Variants in SELENOM observed in about 807,000 individuals in gnomAD.
SELENOM encodes the protein selenoprotein M.
SELENOM carries 17 observed loss-of-function variants against 14.5 expected under a neutral mutation model. The observed-to-expected ratio is 1.17, with a 90% confidence interval of 0.80 to 1.76. The LOEUF (loss-of-function observed/expected upper bound fraction) is 1.76, where lower values mean the gene tolerates loss of function less well. Among genes scored for constraint, SELENOM ranks in the 40% most tolerant of loss-of-function variants. SELENOM has a pLI of 0.00. For missense variants in SELENOM, 230 were observed against 204.6 expected, an observed-to-expected ratio of 1.12 and a Z score of -0.76; for synonymous variants, 102 against 93.3, an observed-to-expected ratio of 1.09 and a Z score of -0.54.
At position 31,105,668 on chromosome 22, in the gene SELENOM, T is replaced by A. The variant is rs1332179198; in HGVS notation, c.190A>T (p.Ile64Phe). 1.9e-6 allele frequency: 3 copies of A among 1,613,990 alleles called. No homozygotes were observed. The African/African-American group carries it at 4.0e-5, about 22-fold the overall frequency. ...AGAACAGAAGGATACTAGAATGGAA[T>A]GTCCTGCGTGACGAAAGCCTTCACC... ...KEVKAFVTQDIPFYHNLVMKH... is the reference protein window; with the variant it reads ...KEVKAFVTQDFPFYHNLVMKH... The change falls in exon 3 of 5, where the codon ATT (isoleucine) becomes TTT (phenylalanine). Residue 64 changes from isoleucine to phenylalanine, a missense_variant. Ile to Phe is a conservative substitution (Grantham distance 21). Coordinates refer to ENST00000400299, the MANE Select transcript of SELENOM (RefSeq NM_080430.4).
intron 1 of SELENOM, 89 bp downstream of exon 1, chr22:31,107,288 G>A: frequency 6.9e-7 from 1 of 1,442,230 alleles, no homozygotes; most frequent in Non-Finnish European, 9.2e-7. Flanking sequence ...CGCGGTTCGA[G>A]GTGGTCTTGG....
In SELENOM at chr22:31,105,068, A is replaced by G; in HGVS notation, c.340T>C (p.Phe114Leu). ...EINALVQELGFYRKAAPDAQV... is the reference protein window; with the variant it reads ...EINALVQELGLYRKAAPDAQV... Reference sequence around the variant, plus strand: ...GCGTCGGGCGCCGCCTTGCGGTAGAAGCCGAGCTCCTGCACTAGCGCATTG... The same window carrying G: ...GCGTCGGGCGCCGCCTTGCGGTAGAGGCCGAGCTCCTGCACTAGCGCATTG... Residue 114 changes from phenylalanine (F) to leucine (L), a missense_variant, in exon 5 of 5, where the codon TTC becomes CTC. Physicochemically the swap from Phe to Leu is conservative, Grantham distance 22. Transcript: ENST00000400299. 1 of 1,612,676 alleles carries G rather than the reference A, an allele frequency of 6.2e-7. No homozygotes were observed. Among genetic ancestry groups the G allele is most frequent in the East Asian group, 2.2e-5 (1 of 44,874 alleles).
Position 31,104,808 on chromosome 22 carries a change from G to A in SELENOM, c.*162C>T. ...CAGGAGGGAATTTAGTGGAGCTGGG[G>A]AAGGAAGAAAGTGGGGTTGGGAGAA... On this transcript the variant is annotated 3_prime_UTR_variant, in exon 5 of 5. Coordinates refer to ENST00000400299, the MANE Select transcript of SELENOM (RefSeq NM_080430.4). The A allele has an allele frequency of 1.3e-6, 1 of 741,164 alleles. No individual in the cohort carries two copies. Among genetic ancestry groups the A allele is most frequent in the South Asian group, 2.1e-5 (1 of 47,946 alleles). 45.9% of individuals were successfully genotyped at this position (741,164 alleles called of 1,614,324 possible). A position where few individuals can be genotyped will look rare whatever the true frequency, so the allele number is the denominator to read the frequency against.
chr22:31,107,563 ACGTCTGGG>A, exon 1 of SELENOM: 1 of 1,392,754 alleles, frequency 7.2e-7, no homozygotes, highest in Non-Finnish European at 9.5e-7. Context: ...TCGCTGCGCC[ACGTCTGGG>A]CCCCCAGGCT....
At chr22:31,106,161 G>A in intron 1 of SELENOM, 196 bp from the exon 2 acceptor site, 1 of 615,826 alleles carries the variant, frequency 1.6e-6, no homozygotes, top group African/African-American at 1.8e-5. Context: ...GGGAGACTCA[G>A]GCCTAGAGAC....
intron 1 of SELENOM, chr22:31,106,176 G>T (rs932947455): frequency 3.3e-6 from 2 of 603,532 alleles, no homozygotes; most frequent in Non-Finnish European, 5.9e-6. Context: ...AGAGACACCA[G>T]GGGAAAAGAG....
rs1326884197 is a variant in SELENOM, at chr22:31,107,514, G to C, written c.-9C>G. On this transcript the variant is annotated 5_prime_UTR_variant, in exon 1 of 5. Coordinates refer to ENST00000400299, the MANE Select transcript of SELENOM (RefSeq NM_080430.4). The stretch of plus-strand genomic sequence containing the variant: ...GGCAACAGGAGGCTCATCGGGACCC[G>C]GCCGCAGATGATGCGCAAGCTGGAG... The C allele has an allele frequency of 6.5e-7, 1 of 1,534,898 alleles. No homozygotes were observed. The highest frequency in any genetic ancestry group is 8.8e-7 in the Non-Finnish European group (1 of 1,142,022).
At chr22:31,105,866 A>ATGT in intron 2 of SELENOM, 64 bp downstream of exon 2, 1 of 1,546,382 alleles carries the variant, frequency 6.5e-7, no homozygotes, top group Non-Finnish European at 8.9e-7. Flanking sequence ...CATTGGGACC[A>ATGT]TGTTGCCCAC....
chr22:31,107,326 G>A (rs771849006), intron 1 of SELENOM, 51 bp downstream of exon 1: 23 of 1,555,400 alleles, frequency 1.5e-5, no homozygotes, highest in South Asian at 5.9e-5. Flanking sequence ...CTCCCATGGG[G>A]CCGCAGGGTT....
chr22:31,107,399 C>T lies in SELENOM; in HGVS notation c.107G>A (p.Gly36Asp). The change falls in exon 1 of 5, where the codon GGC becomes GAC. Residue 36 changes from glycine (G) to aspartate (D), a missense_variant. Coordinates refer to ENST00000400299, the MANE Select transcript of SELENOM (RefSeq NM_080430.4). ...AYRPDWNRLS[G>D]LTRARVETCG... The stretch of plus-strand genomic sequence containing the variant: ...CACCTCTACCCGGGCGCGGGTTAGG[C>T]CGCTCAGACGGTTCCAGTCCGGCCG... The T allele has an allele frequency of 5.6e-6, 9 of 1,593,336 alleles. No individual in the cohort carries two copies. The highest frequency in any genetic ancestry group is 7.7e-6 in the Non-Finnish European group (9 of 1,172,038).
intron 3 of SELENOM, 95 bp downstream of exon 3, chr22:31,105,563 G>A (rs1427899381): frequency 1.6e-6 from 2 of 1,265,834 alleles, no homozygotes; most frequent in Non-Finnish European, 2.3e-6. Context: ...AATTCAACTT[G>A]TCAGTTGAAA....
intron 1 of SELENOM, chr22:31,106,666 A>G (rs188881466): frequency 3.7e-5 from 6 of 162,508 alleles, no homozygotes; most frequent in East Asian, 1.8e-4. Context: ...GGCTCAAGCA[A>G]TCCTCCTGCC....
In SELENOM at chr22:31,105,267, G is replaced by C. The variant is rs544789268; in HGVS notation, c.220C>G (p.His74Asp). Reference protein sequence around the residue: ...IPFYHNLVMKHLPGADPELVL... With the variant: ...IPFYHNLVMKDLPGADPELVL... Reference sequence around the variant, plus strand: ...AGCTCAGGGTCGGCCCCAGGGAGGTGTTTCATCACCAGGTTGTGACTGGAG... The same window carrying C: ...AGCTCAGGGTCGGCCCCAGGGAGGTCTTTCATCACCAGGTTGTGACTGGAG... Residue 74 changes from histidine to aspartate, a missense_variant, in exon 4 of 5, where the codon CAC becomes GAC. His to Asp is a moderately conservative substitution (Grantham distance 81). Transcript: ENST00000400299. 46 of 1,612,314 alleles carry C rather than the reference G, an allele frequency of 2.9e-5. No homozygotes were observed. In the South Asian group the frequency reaches 4.7e-4, roughly 17 times the overall value.
At chr22:31,105,367 C>T (rs2044391241) in intron 3 of SELENOM, 81 bp from the exon 4 acceptor site, 18 of 1,364,388 alleles carry the variant, frequency 1.3e-5, no homozygotes, top group South Asian at 1.3e-4. Context: ...AACAGCATTG[C>T]CTCCTTTGCT....
rs2044374457 is a variant in SELENOM, at chr22:31,104,949, A to C, written c.*21T>G. ...TCCAGGACTCAGGCAGGTAGGTCCC[A>C]GCTCCGCCGCGCCCCCGGACCTACA... is the stretch of plus-strand genomic sequence containing the variant. On this transcript the variant is annotated 3_prime_UTR_variant, in exon 5 of 5. Coordinates refer to ENST00000400299, the MANE Select transcript of SELENOM (RefSeq NM_080430.4). 1.3e-6 allele frequency: 2 copies of C among 1,538,896 alleles called. No homozygotes were observed. The highest frequency in any genetic ancestry group is 1.7e-6 in the Non-Finnish European group (2 of 1,146,706).
intron 1 of SELENOM, chr22:31,107,088 G>A (rs1255372936): frequency 5.8e-6 from 2 of 342,332 alleles, no homozygotes; most frequent in Non-Finnish European, 1.1e-5. Context: ...CATAGGCCAC[G>A]AGAAGAGTTA....
chr22:31,106,124 C>A, intron 1 of SELENOM, 159 bp from the exon 2 acceptor site: 1 of 689,850 alleles, frequency 1.4e-6, no homozygotes, highest in Non-Finnish European at 2.6e-6. Flanking sequence ...CCCTTGTGGG[C>A]AGAAGGGGGA....
At chr22:31,105,716 A>T (rs776373563) in intron 2 of SELENOM, 24 bp from the exon 3 acceptor site, 1 of 1,613,738 alleles carries the variant, frequency 6.2e-7, no homozygotes, top group Non-Finnish European at 8.5e-7. Context: ...AGAGCATCAG[A>T]GACCATGACC....
Position 31,105,084 on chromosome 22 carries a change from T to G in SELENOM, c.324A>C (p.Leu108=). 1 of 1,613,216 alleles carries G rather than the reference T, an allele frequency of 6.2e-7. No homozygotes were observed. The highest frequency in any genetic ancestry group is 8.5e-7 in the Non-Finnish European group (1 of 1,179,806). Residue 108 remains leucine (L), a synonymous_variant, in exon 5 of 5, where the codon CTA becomes CTC. Coordinates refer to ENST00000400299, the MANE Select transcript of SELENOM (RefSeq NM_080430.4). ...TGCGGTAGAAGCCGAGCTCCTGCAC[T>G]AGCGCATTGATCTCTTCGCGGGTCA... ...SEMTREEINA[L]VQELGFYRKA... is the part of the protein sequence containing the mutation.
Sources: allele counts gnomAD v4.1 joint callset, GRCh38; gene constraint gnomAD v4.1.1; transcripts MANE v1.5; gene names NCBI Gene and HGNC (gene_info 2026-07-23, HGNC 2026-07-21).